Variants in NDUFA12 observed in about 807,000 individuals in gnomAD.
NDUFA12 encodes NADH:ubiquinone oxidoreductase subunit A12, also known as NADH dehydrogenase [ubiquinone] 1 alpha subcomplex subunit 12.
NDUFA12 carries 17 observed loss-of-function variants against 20.3 expected under a neutral mutation model. That is an observed-to-expected ratio of 0.84 (90% CI 0.57 to 1.26). The LOEUF (loss-of-function observed/expected upper bound fraction) is 1.26, where lower values mean the gene tolerates loss of function less well. NDUFA12 is among the 50% of genes most tolerant of loss of function. The pLI is 0.00. For synonymous variants in NDUFA12, 72 were observed against 63.6 expected (o/e 1.13, Z -0.63); for missense variants, 191 against 183.7 (o/e 1.04, Z -0.23).
chr12:94,971,807 T>C (rs896990282), intron 3 of NDUFA12, 187 bp from the exon 4 acceptor site: 2 of 778,410 alleles, frequency 2.6e-6, no homozygotes, highest in Non-Finnish European at 4.7e-6. Context: ...TCAGGGATGG[T>C]ATAAACATAA....
At chr12:94,996,005 C>T (rs531508976) in intron 2 of NDUFA12, among the ~76,000 whole-genome samples, 66 of 151,166 alleles carry the variant, frequency 4.4e-4, no homozygotes, top group African/African-American at 1.4e-3. Context: ...CTCAGGAGTT[C>T]GAGACCATCC....
intron 2 of NDUFA12, 76 bp downstream of exon 2, chr12:95,002,663 G>A (rs1875095418): frequency 6.7e-6 from 7 of 1,049,770 alleles, no homozygotes; most frequent in Non-Finnish European, 1.0e-5. Flanking sequence ...AAAGCTCATT[G>A]CATAATATGG....
At chr12:94,973,028 G>C (rs1162121020) in intron 3 of NDUFA12, among the ~76,000 whole-genome samples, 2 of 151,920 alleles carry the variant, frequency 1.3e-5, no homozygotes, top group African/African-American at 2.4e-5. Flanking sequence ...GCCCGGGGGT[G>C]GGGGGAAAAG....
intron 3 of NDUFA12, among the ~76,000 whole-genome samples, chr12:94,992,633 G>A (rs1403262540): frequency 6.6e-6 from 1 of 152,188 alleles, no homozygotes; most frequent in Non-Finnish European, 1.5e-5. Context: ...AGTTAGATAA[G>A]GCAATATGGT....
intron 2 of NDUFA12, among the ~76,000 whole-genome samples, chr12:94,996,358 C>CACACACACAT (rs779235801): frequency 1.3e-4 from 18 of 141,130 alleles, no homozygotes; most frequent in Non-Finnish European, 2.5e-4. Context: ...CACACACACA[C>CACACACACAT]GAGATGGGGG....
intron 3 of NDUFA12, among the ~76,000 whole-genome samples, chr12:94,991,220 A>C (rs1394391722): frequency 2.6e-5 from 4 of 152,062 alleles, no homozygotes; most frequent in African/African-American, 9.7e-5. Flanking sequence ...CAGGAAGTCG[A>C]GACTGATTGT....
chr12:94,990,570 G>A (rs1226879285), intron 3 of NDUFA12, among the ~76,000 whole-genome samples: 1 of 152,096 alleles, frequency 6.6e-6, no homozygotes, highest in African/African-American at 2.4e-5. Flanking sequence ...CTACAGGCAT[G>A]TACAACCATG....
At chr12:94,971,703 C>G in intron 3 of NDUFA12, 83 bp from the exon 4 acceptor site, 1 of 1,498,068 alleles carries the variant, frequency 6.7e-7, no homozygotes, top group Non-Finnish European at 9.3e-7. Context: ...AGCCCTGGAA[C>G]TATTTTGTTG....
chr12:94,989,548 T>C (rs1874566166), intron 3 of NDUFA12, among the ~76,000 whole-genome samples: 1 of 152,206 alleles, frequency 6.6e-6, no homozygotes, highest in Non-Finnish European at 1.5e-5. Context: ...TTCAACACCA[T>C]TTCTCCCTAA....
intron 3 of NDUFA12, among the ~76,000 whole-genome samples, chr12:94,980,903 T>G (rs1874214312): frequency 6.6e-6 from 1 of 152,032 alleles, no homozygotes. Context: ...CTGATACAAG[T>G]GAAAACAATA....
chr12:94,984,714 C>CAAAA lies in NDUFA12; in HGVS notation c.257+9452_257+9455dup, dbSNP rs1162774247. 1.2e-3 allele frequency among the ~76,000 whole-genome samples: 8 copies of CAAAA among 6,836 alleles called. No individual in the cohort carries two copies. In the East Asian group the frequency reaches 0.012, roughly 11 times the overall value. 4.5% of individuals were successfully genotyped at this position (6,836 alleles called of 152,430 possible). ...AATGACCCCCTCTAATGCTAATAGC[C>CAAAA]AAAAAAAAAAAACAACAAAAAACCC... On this transcript the variant is annotated intron_variant, in intron 3 of 3. Coordinates refer to ENST00000327772, the MANE Select transcript of NDUFA12 (RefSeq NM_018838.5).
intron 1 of NDUFA12, 28 bp from the exon 2 acceptor site, chr12:95,002,849 T>A: frequency 6.4e-7 from 1 of 1,565,278 alleles, no homozygotes; most frequent in Non-Finnish European, 8.8e-7. Context: ...AAAACAGACA[T>A]TTTAGAATGA....
At chr12:94,993,564 G>A (rs560912883) in intron 3 of NDUFA12, among the ~76,000 whole-genome samples, 1 of 132,826 alleles carries the variant, frequency 7.5e-6, no homozygotes, top group Non-Finnish European at 1.5e-5. Context: ...GTCAGAGGTT[G>A]CAGTGAGCCA....
At chr12:94,981,714 A>T (rs1874245610) in intron 3 of NDUFA12, among the ~76,000 whole-genome samples, 1 of 152,212 alleles carries the variant, frequency 6.6e-6, no homozygotes, top group Non-Finnish European at 1.5e-5. Context: ...ATATAAACCC[A>T]TCAAGGCCTG....
At position 94,990,291 on chromosome 12, in the gene NDUFA12, A is replaced by C. The variant is rs549746214; in HGVS notation, c.257+3879T>G. 4.6e-5 allele frequency among the ~76,000 whole-genome samples: 7 copies of C among 151,834 alleles called. No homozygotes were observed. The East Asian group carries it at 1.2e-3, about 25-fold the overall frequency. On this transcript the variant is annotated intron_variant, in intron 3 of 3. Coordinates refer to ENST00000327772, the MANE Select transcript of NDUFA12 (RefSeq NM_018838.5). The stretch of plus-strand genomic sequence containing the variant: ...ATGTGGAAAAAAAAAAAACAAAAAA[A>C]CCCCACAGCTCCTCAGACCTTAACG...
chr12:95,000,183 G>C (rs1874974490), intron 2 of NDUFA12, among the ~76,000 whole-genome samples: 1 of 152,178 alleles, frequency 6.6e-6, no homozygotes, highest in East Asian at 1.9e-4. Flanking sequence ...CAGCAACTTG[G>C]ATGGAGCTGG....
intron 3 of NDUFA12, among the ~76,000 whole-genome samples, chr12:94,990,824 A>G (rs185793518): frequency 8.5e-5 from 13 of 152,322 alleles, no homozygotes; most frequent in Admixed American, 8.5e-4. Context: ...GTAGTAGAAC[A>G]GGGGTTGAAA....
At chr12:94,986,727 G>A (rs964172687) in intron 3 of NDUFA12, among the ~76,000 whole-genome samples, 1 of 152,082 alleles carries the variant, frequency 6.6e-6, no homozygotes, top group African/African-American at 2.4e-5. Flanking sequence ...AGGAGGTTGA[G>A]GCTGGAGTGA....
intron 3 of NDUFA12, among the ~76,000 whole-genome samples, chr12:94,993,019 T>G (rs1213982929): frequency 6.6e-6 from 1 of 152,190 alleles, no homozygotes; most frequent in East Asian, 1.9e-4. Context: ...TATAGAGAGA[T>G]ATTCAATAAA....
Sources: allele counts gnomAD v4.1 joint callset (sites outside exome capture counted in the v4.1 genomes callset), GRCh38; gene constraint gnomAD v4.1.1; transcripts MANE v1.5; gene names NCBI Gene and HGNC (gene_info 2026-07-23, HGNC 2026-07-21).